CFAP57: variants seen among roughly 807,000 people sequenced by gnomAD.
The protein encoded by CFAP57 is cilia and flagella associated protein 57.
Under a neutral mutation model 146.8 loss-of-function variants are expected in CFAP57, and 116 were observed. The ratio of observed to expected loss-of-function variants is 0.79; its 90% CI spans 0.68 to 0.92. The LOEUF (loss-of-function observed/expected upper bound fraction) is 0.92. Ranked by LOEUF, CFAP57 falls within the 40% of genes least tolerant of loss-of-function variation. The probability of loss-of-function intolerance (pLI) is 0.00; values close to 1 mark genes in which losing one functional copy is unlikely to be tolerated. For synonymous variants in CFAP57, 518 were observed against 552.8 expected, an observed-to-expected ratio of 0.94 and a Z score of 0.88; for missense variants, 1,377 against 1,527.2, an observed-to-expected ratio of 0.90 and a Z score of 1.64.
chr1:43,210,364 C>T lies in CFAP57; in HGVS notation c.1929+448C>T, dbSNP rs1328138149. 3.8e-6 allele frequency: 5 copies of T among 1,314,492 alleles called. No homozygotes were observed. The Admixed American group carries it at 1.7e-4, about 45-fold the overall frequency. The allele number at this position is 1,314,492 out of a possible 1,614,324, so 81.4% of individuals were successfully genotyped here. A position where few individuals can be genotyped will look rare whatever the true frequency, so the allele number is the denominator to read the frequency against. ...GAGTACACATTTGTAAATTGTCCTT[C>T]CATTCACCCTTCTCATAAAGTAGTA... is the stretch of plus-strand genomic sequence containing the variant. On this transcript the variant is annotated intron_variant, in intron 11 of 22. Transcript: ENST00000372492.
intron 10 of CFAP57, 129 bp downstream of exon 10, chr1:43,207,061 A>C: frequency 1.1e-6 from 1 of 878,884 alleles, no homozygotes; most frequent in South Asian, 1.4e-5. Flanking sequence ...CCAAGATAAC[A>C]TCAGGCTCCT....
At chr1:43,185,614 G>T (rs1203558217) in intron 5 of CFAP57, among the ~76,000 whole-genome samples, 1 of 148,290 alleles carries the variant, frequency 6.7e-6, no homozygotes, top group Non-Finnish European at 1.5e-5. Flanking sequence ...GGCCAAGGTG[G>T]GTGGGTCTCT....
chr1:43,210,035 A>C (rs745345863), intron 11 of CFAP57, 119 bp downstream of exon 11: 1 of 1,613,998 alleles, frequency 6.2e-7, no homozygotes, highest in South Asian at 1.1e-5. Flanking sequence ...TTATTCATCC[A>C]TCATTCATTG....
chr1:43,172,616 AGGAGAAAGGGGAGAGACAAGGGG>A, intron 1 of CFAP57, 96 bp from the exon 2 acceptor site: 1 of 697,386 alleles, frequency 1.4e-6, no homozygotes, highest in East Asian at 4.3e-5. Context: ...GGACAAGGGG[AGGAGAAAGGGGAGAGACAAGGGG>A]AGGAGCAAAG....
chr1:43,197,948 C>T (rs1261918207), intron 7 of CFAP57, among the ~76,000 whole-genome samples: 1 of 152,180 alleles, frequency 6.6e-6, no homozygotes, highest in African/African-American at 2.4e-5. Context: ...ACCTCAGTCT[C>T]TCACCTTCTT....
In CFAP57 at chr1:43,219,400, C is replaced by G. The variant is rs1423496932; in HGVS notation, c.2110C>G (p.Leu704Val). 4.5e-6 allele frequency: 7 copies of G among 1,550,392 alleles called. No individual in the cohort carries two copies. The Admixed American group carries it at 9.8e-5, about 22-fold the overall frequency. ...MEEKAQVMLE[L>V]KTRVEELKME... Reference sequence around the variant, plus strand: ...CCCAAAGGCTCAGGTTATGTTGGAGCTAAAGACTCGTGTGGAGGAATTAAA... The same window carrying G: ...CCCAAAGGCTCAGGTTATGTTGGAGGTAAAGACTCGTGTGGAGGAATTAAA... The change falls in exon 13 of 23, where the codon CTA becomes GTA. Residue 704 changes from leucine to valine, a missense_variant. Coordinates refer to ENST00000372492, the MANE Select transcript of CFAP57 (RefSeq NM_001378189.1).
intron 6 of CFAP57, among the ~76,000 whole-genome samples, chr1:43,190,534 T>C (rs1283501452): frequency 6.6e-6 from 1 of 152,130 alleles, no homozygotes; most frequent in East Asian, 1.9e-4. Flanking sequence ...CCTCCTAAAG[T>C]GCTGGGATTA....
At chr1:43,186,881 C>A in intron 6 of CFAP57, 22 bp downstream of exon 6, 2 of 1,613,878 alleles carry the variant, frequency 1.2e-6, no homozygotes, top group African/African-American at 2.7e-5. Flanking sequence ...CAGCAATGGT[C>A]CTTCCAGACC....
intron 6 of CFAP57, among the ~76,000 whole-genome samples, chr1:43,195,376 G>T (rs1036375846): frequency 1.3e-5 from 2 of 152,080 alleles, no homozygotes; most frequent in African/African-American, 4.8e-5. Context: ...ACAAAAATTA[G>T]CTGGGCATGG....
chr1:43,215,381 G>A lies in CFAP57; in HGVS notation c.2056G>A (p.Glu686Lys), dbSNP rs1238180655. ...KREREVGFAEEVLVTKTDMEE... is the reference protein window; with the variant it reads ...KREREVGFAEKVLVTKTDMEE... The stretch of plus-strand genomic sequence containing the variant: ...AGAGAGGGAGGTGGGCTTTGCCGAA[G>A]AGGTGCTTGTGACTAAAACAGACAT... The change falls in exon 12 of 23, where the codon GAG becomes AAG. Residue 686 changes from glutamate (E) to lysine (K), a missense_variant. Coordinates refer to ENST00000372492, the MANE Select transcript of CFAP57 (RefSeq NM_001378189.1). The A allele has an allele frequency of 6.4e-7, 1 of 1,551,016 alleles. No homozygotes were observed. Among genetic ancestry groups the A allele is most frequent in the African/African-American group, 1.4e-5 (1 of 73,176 alleles).
rs1569844015 is a variant in CFAP57 at position 43,181,757 on chromosome 1, A to G, written c.381A>G (p.Ser127=). The G allele has an allele frequency of 6.2e-7, 1 of 1,614,182 alleles. No individual in the cohort carries two copies. Among genetic ancestry groups the G allele is most frequent in the Non-Finnish European group, 8.5e-7 (1 of 1,180,016 alleles). Residue 127 remains serine (S), a synonymous_variant, in exon 3 of 23, where the codon TCA becomes TCG. Coordinates refer to ENST00000372492, the MANE Select transcript of CFAP57 (RefSeq NM_001378189.1). Reference sequence around the variant, plus strand: ...CCAAATACCTATTGGCTCAGACGTCACCTCCAGAGTCAAATCTTGTCTACT... The same window carrying G: ...CCAAATACCTATTGGCTCAGACGTCGCCTCCAGAGTCAAATCTTGTCTACT... ...PDSKYLLAQT[S]PPESNLVYWL...
chr1:43,185,712 G>A (rs1643021156), intron 5 of CFAP57, among the ~76,000 whole-genome samples: 1 of 150,306 alleles, frequency 6.7e-6, no homozygotes, highest in Non-Finnish European at 1.5e-5. Flanking sequence ...GAGGTCAGGA[G>A]TTTGAGACCA....
chr1:43,195,778 G>A (rs1355366077), intron 6 of CFAP57, among the ~76,000 whole-genome samples: 4 of 152,170 alleles, frequency 2.6e-5, no homozygotes, highest in Non-Finnish European at 5.9e-5. Context: ...ATCATTTATA[G>A]AAATATAAAA....
At chr1:43,208,808 AAG>A (rs1644469509) in intron 10 of CFAP57, among the ~76,000 whole-genome samples, 1 of 53,100 alleles carries the variant, frequency 1.9e-5, no homozygotes, top group Non-Finnish European at 7.2e-5. Context: ...ATAATAATAA[AAG>A]AAAAAAAAAA....
At chr1:43,208,292 A>G (rs1189430592) in intron 10 of CFAP57, among the ~76,000 whole-genome samples, 1 of 152,234 alleles carries the variant, frequency 6.6e-6, no homozygotes, top group Non-Finnish European at 1.5e-5. Context: ...CAGCCATCCC[A>G]TTACTGAGTA....
intron 9 of CFAP57, 34 bp downstream of exon 9, chr1:43,199,537 G>A: frequency 6.2e-7 from 1 of 1,602,740 alleles, no homozygotes; most frequent in Non-Finnish European, 8.5e-7. Flanking sequence ...GGAAACAAGG[G>A]GCACGGAGCC....
chr1:43,243,149 T>G lies in CFAP57; in HGVS notation c.3406-78T>G, dbSNP rs528831088. On this transcript the variant is annotated intron_variant, in intron 21 of 22. Transcript: ENST00000372492. ...CTAACCCTGCCCATTCCCCATACAC[T>G]CAGCCCAGGAGGGTATGCCTTGTGC... 246 of 1,475,934 alleles carry G rather than the reference T, an allele frequency of 1.7e-4. No homozygotes were observed. In the African/African-American group the frequency reaches 3.0e-3, roughly 18 times the overall value. The allele number at this position is 1,475,934 out of a possible 1,614,324, so 91.4% of individuals were successfully genotyped here.
chr1:43,207,724 G>A (rs144686131), intron 10 of CFAP57, among the ~76,000 whole-genome samples: 23 of 152,304 alleles, frequency 1.5e-4, no homozygotes, highest in African/African-American at 5.1e-4. Flanking sequence ...GCTCAGCAAG[G>A]ATGCATCATA....
intron 6 of CFAP57, among the ~76,000 whole-genome samples, chr1:43,193,335 G>A (rs1643662851): frequency 6.6e-6 from 1 of 151,910 alleles, no homozygotes; most frequent in Non-Finnish European, 1.5e-5. Flanking sequence ...TGATTGGATT[G>A]TTTAATCAGT....
Sources: gnomAD v4.1 joint callset for allele counts (sites outside exome capture counted in the v4.1 genomes callset) on GRCh38, gnomAD v4.1.1 for gene constraint, MANE v1.5 for transcripts, NCBI Gene and HGNC (gene_info 2026-07-23, HGNC 2026-07-21) for gene names.